Variants in LRRC20 observed in about 807,000 individuals in gnomAD.
The protein encoded by LRRC20 is leucine-rich repeat-containing protein 20.
LRRC20 carries 11 observed loss-of-function variants against 14.4 expected under a neutral mutation model. That is an observed-to-expected ratio of 0.77 (90% confidence interval 0.48 to 1.27). The LOEUF (loss-of-function observed/expected upper bound fraction) is 1.27. LRRC20 is among the 50% of genes most tolerant of loss of function. LRRC20 has a pLI of 0.00. For synonymous variants in LRRC20, 121 were observed against 107.3 expected (o/e 1.13, Z -0.79); for missense variants, 219 against 251.2 (o/e 0.87, Z 0.87).
rs10999260 is a variant in LRRC20 at position 70,308,691 on chromosome 10, G to A, written c.401-7183C>T. Among the ~76,000 whole-genome samples the A allele has an allele frequency of 7.8e-3, 1,192 of 152,252 alleles. 17 individuals carry two copies. Among genetic ancestry groups the A allele is most frequent in the African/African-American group, 0.027 (1,136 of 41,530 alleles). The stretch of plus-strand genomic sequence containing the variant: ...ACAGGCGAGCGAGCCAGCAAGGAGG[G>A]GTGGGAGAGGCCAGGAGTCCATGGC... On this transcript the variant is annotated intron_variant, in intron 4 of 4. Transcript: ENST00000446961.
rs1841120077 is a variant in LRRC20, at chr10:70,300,234, A to G, written c.*1120T>C. On this transcript the variant is annotated 3_prime_UTR_variant, in exon 5 of 5. Coordinates refer to ENST00000446961, the MANE Select transcript of LRRC20 (RefSeq NM_001278212.2). ...GGCGTTCTCGGGAAGCAAGAGCCCC[A>G]GGCCCTCTCCTGGTAGGGGACCAAC... The G allele has an allele frequency of 2.3e-6, 1 of 443,596 alleles. No homozygotes were observed. The highest frequency in any genetic ancestry group is 3.0e-6 in the Non-Finnish European group (1 of 334,468). 27.5% of individuals were successfully genotyped at this position (443,596 alleles called of 1,614,324 possible). A position where few individuals can be genotyped will look rare whatever the true frequency, so the allele number is the denominator to read the frequency against.
intron 2 of LRRC20, among the ~76,000 whole-genome samples, chr10:70,371,033 G>T (rs1032668891): frequency 1.3e-5 from 2 of 151,572 alleles, no homozygotes; most frequent in Non-Finnish European, 2.9e-5. Context: ...AATGATTAAA[G>T]AAATAAAAAA....
intron 1 of LRRC20, 89 bp from the exon 2 acceptor site, chr10:70,376,685 C>T (rs757968100): frequency 5.5e-5 from 38 of 696,922 alleles, no homozygotes; most frequent in Admixed American, 7.7e-5. Flanking sequence ...CCCCCAGGAC[C>T]CAGGCTGTCA....
chr10:70,354,921 G>A (rs898203567), intron 2 of LRRC20, among the ~76,000 whole-genome samples: 2 of 152,162 alleles, frequency 1.3e-5, no homozygotes, highest in African/African-American at 4.8e-5. Flanking sequence ...CTATCAGCCA[G>A]GGGGAGCTCA....
At chr10:70,368,534 CCCA>C (rs1324657356) in intron 2 of LRRC20, among the ~76,000 whole-genome samples, 1 of 151,430 alleles carries the variant, frequency 6.6e-6, no homozygotes, top group East Asian at 1.9e-4. Flanking sequence ...AAGTGATCTA[CCCA>C]CCACAAGGAT....
At chr10:70,376,951 T>C (rs1589134273) in intron 1 of LRRC20, among the ~76,000 whole-genome samples, 1 of 151,850 alleles carries the variant, frequency 6.6e-6, no homozygotes, top group Admixed American at 6.6e-5. Flanking sequence ...GGGAAGGAGG[T>C]AGGGCGCAGC....
At chr10:70,372,160 T>G (rs1347087421) in intron 2 of LRRC20, among the ~76,000 whole-genome samples, 1 of 152,212 alleles carries the variant, frequency 6.6e-6, no homozygotes, top group Non-Finnish European at 1.5e-5. Context: ...ACCCCTGAAC[T>G]CTCATCTGTT....
chr10:70,350,924 G>A (rs1843279251), intron 2 of LRRC20, among the ~76,000 whole-genome samples: 1 of 152,220 alleles, frequency 6.6e-6, no homozygotes. Context: ...AGTGGCTCAT[G>A]CCTGTAATCC....
chr10:70,367,353 GA>G (rs1564644773), intron 2 of LRRC20, among the ~76,000 whole-genome samples: 72 of 138,486 alleles, frequency 5.2e-4, no homozygotes, highest in Middle Eastern at 3.6e-3. Context: ...AGAAAGAAAA[GA>G]AAAAGAAAAA....
At chr10:70,360,194 G>A (rs1209868253) in intron 2 of LRRC20, among the ~76,000 whole-genome samples, 3 of 152,178 alleles carry the variant, frequency 2.0e-5, no homozygotes, top group South Asian at 4.1e-4. Flanking sequence ...GATTACAGGC[G>A]TAAGCCACTG....
At chr10:70,365,511 C>T (rs1843950499) in intron 2 of LRRC20, among the ~76,000 whole-genome samples, 3 of 152,078 alleles carry the variant, frequency 2.0e-5, no homozygotes, top group Admixed American at 6.6e-5. Context: ...AAAGATAAAA[C>T]GATAAATTAA....
chr10:70,344,217 T>G lies in LRRC20; in HGVS notation c.83-3515A>C, dbSNP rs558868437. Among the ~76,000 whole-genome samples, 22 of 149,138 alleles carry G rather than the reference T, an allele frequency of 1.5e-4. No individual in the cohort carries two copies. The South Asian group carries it at 2.1e-3, about 14-fold the overall frequency. On this transcript the variant is annotated intron_variant, in intron 2 of 4. Transcript: ENST00000446961. ...CTTGTCTGAAAAAAAGAAAAGAAAA[T>G]AAAAAAAAGAAAAGAAAAGAAAAGT... is the stretch of plus-strand genomic sequence containing the variant.
At chr10:70,337,157 C>T (rs1842746933) in intron 3 of LRRC20, among the ~76,000 whole-genome samples, 1 of 152,208 alleles carries the variant, frequency 6.6e-6, no homozygotes, top group Admixed American at 6.5e-5. Flanking sequence ...TTGTTCTCTC[C>T]CCAGCACTAA....
intron 4 of LRRC20, among the ~76,000 whole-genome samples, chr10:70,306,929 T>G (rs1841448176): frequency 2.0e-5 from 3 of 152,248 alleles, no homozygotes; most frequent in Admixed American, 1.3e-4. Flanking sequence ...AATTCATTAT[T>G]GGACTTCATT....
intron 3 of LRRC20, among the ~76,000 whole-genome samples, chr10:70,332,608 C>T (rs1842580882): frequency 1.3e-5 from 2 of 152,222 alleles, no homozygotes; most frequent in African/African-American, 4.8e-5. Context: ...TGCACCACTG[C>T]ACTCCAGCCT....
chr10:70,334,053 G>C (rs1842631456), intron 3 of LRRC20, among the ~76,000 whole-genome samples: 1 of 152,054 alleles, frequency 6.6e-6, no homozygotes, highest in Non-Finnish European at 1.5e-5. Context: ...GGGAGGCTGA[G>C]GCAGAAGAAT....
rs1327147130 is a variant in LRRC20 at position 70,340,562 on chromosome 10, G to A, written c.223C>T (p.Gln75Ter). Residue 75 changes from glutamine (Q) to a stop codon, truncating the protein, a stop_gained, in exon 3 of 5, where the codon CAG (glutamine) becomes TAG (stop). Transcript: ENST00000446961. LOFTEE classifies it high-confidence loss of function. ...GCTGACCAGGGCCTACCTCGGAGCT[G>A]ACTGAATGTGGTCATGAACTTGCTG... is the stretch of plus-strand genomic sequence containing the variant. ...LTSKFMTTFSQLRELHLEGNF... is the reference protein window; with the variant it reads ...LTSKFMTTFS 1 of 1,614,170 alleles carries A rather than the reference G, an allele frequency of 6.2e-7. No homozygotes were observed.
chr10:70,361,811 G>A (rs762309233), intron 2 of LRRC20, among the ~76,000 whole-genome samples: 3 of 151,790 alleles, frequency 2.0e-5, no homozygotes, highest in African/African-American at 7.3e-5. Flanking sequence ...CAGGAATCTC[G>A]AGGATGAACT....
chr10:70,363,802 G>A (rs1427853862), intron 2 of LRRC20, among the ~76,000 whole-genome samples: 2 of 150,880 alleles, frequency 1.3e-5, no homozygotes, highest in African/African-American at 4.9e-5. Context: ...GACAGAGCAA[G>A]TCTAGAGGTG....
Sources: gnomAD v4.1 joint callset for allele counts (sites outside exome capture counted in the v4.1 genomes callset) on GRCh38, gnomAD v4.1.1 for gene constraint, MANE v1.5 for transcripts, NCBI Gene and HGNC (gene_info 2026-07-23, HGNC 2026-07-21) for gene names.